ITIH1: variants seen among roughly 807,000 people sequenced by gnomAD.
ITIH1 encodes inter-alpha-trypsin inhibitor heavy chain 1.
In ITIH1, 94 loss-of-function variants were observed where a neutral mutation model predicts 104.6. The ratio of observed to expected loss-of-function variants is 0.90; its 90% CI spans 0.76 to 1.07. ITIH1 has a LOEUF of 1.07. Among genes scored for constraint, ITIH1 ranks in the 50% least tolerant of loss-of-function variants. ITIH1 has a pLI of 0.00. For synonymous variants in ITIH1, 455 were observed against 464.4 expected, an observed-to-expected ratio of 0.98 and a Z score of 0.26; for missense variants, 1,193 against 1,181.4, an observed-to-expected ratio of 1.01 and a Z score of -0.14.
chr3:52,779,647 C>T lies in ITIH1; in HGVS notation c.573+53C>T. ...CCTGCCCCTCTCTCCGTCACCATGG[C>T]TCCCAACACTGGTTGAGCACCCACC... On this transcript the variant is annotated intron_variant, in intron 5 of 21. Coordinates refer to ENST00000273283, the MANE Select transcript of ITIH1 (RefSeq NM_002215.4). The surrounding 1 kb of genome is among the most constrained non-coding windows in gnomAD (Gnocchi z 4.4). 6.3e-7 allele frequency: 1 copy of T among 1,590,546 alleles called. No individual in the cohort carries two copies. Among genetic ancestry groups the T allele is most frequent in the Non-Finnish European group, 8.6e-7 (1 of 1,158,978 alleles).
intron 2 of ITIH1, 89 bp from the exon 3 acceptor site, chr3:52,778,251 G>T: frequency 7.4e-7 from 1 of 1,358,774 alleles, no homozygotes; most frequent in Non-Finnish European, 1.0e-6. Flanking sequence ...CCATGCACTG[G>T]GGCTAAGTGC....
intron 12 of ITIH1, among the ~76,000 whole-genome samples, chr3:52,785,489 G>A (rs569644186): frequency 4.1e-4 from 63 of 152,282 alleles, no homozygotes; most frequent in African/African-American, 1.4e-3. Context: ...GTTATTTTTC[G>A]CATCATTCAT....
chr3:52,781,987 C>T lies in ITIH1; in HGVS notation c.735C>T (p.Pro245=), dbSNP rs1348943037. 2 of 1,614,090 alleles carry T rather than the reference C, an allele frequency of 1.2e-6. No individual in the cohort carries two copies. Among genetic ancestry groups the T allele is most frequent in the African/African-American group, 1.3e-5 (1 of 74,922 alleles). The change falls in exon 7 of 22, where the codon CCC becomes CCT. Residue 245 remains proline (P), a synonymous_variant. Coordinates refer to ENST00000273283, the MANE Select transcript of ITIH1 (RefSeq NM_002215.4). The part of the protein sequence containing the change: ...RPTVSQQQSC[P]TCSTSLLNGH... Reference sequence around the variant, plus strand: ...CCGTGAGCCAGCAGCAGTCCTGCCCCACATGCTCTACATCCTTACTGAACG... The same window carrying T: ...CCGTGAGCCAGCAGCAGTCCTGCCCTACATGCTCTACATCCTTACTGAACG...
intron 13 of ITIH1, 76 bp from the exon 14 acceptor site, chr3:52,786,867 TGA>T: frequency 7.0e-7 from 1 of 1,435,586 alleles, no homozygotes; most frequent in South Asian, 1.3e-5. Flanking sequence ...AATGAATGAA[TGA>T]ATAAGTGAAT....
At chr3:52,786,551 T>A in intron 13 of ITIH1, 117 bp downstream of exon 13, 1 of 1,038,730 alleles carries the variant, frequency 9.6e-7, no homozygotes, top group East Asian at 2.6e-5. Flanking sequence ...TACTTTCCTC[T>A]TCTGCTTTGC....
chr3:52,780,009 G>A, intron 5 of ITIH1: 2 of 1,374,274 alleles, frequency 1.5e-6, no homozygotes, highest in Non-Finnish European at 1.9e-6. Context: ...AGTGCCTACT[G>A]AGTACCAGGC....
intron 12 of ITIH1, 24 bp downstream of exon 12, chr3:52,785,253 G>T: frequency 6.2e-7 from 1 of 1,610,382 alleles, no homozygotes; most frequent in South Asian, 1.1e-5. Flanking sequence ...CATGGAGGGT[G>T]GAGAGGCCAG....
chr3:52,781,709 G>A lies in ITIH1; in HGVS notation c.688-231G>A, dbSNP rs570801903. The stretch of plus-strand genomic sequence containing the variant: ...TATACCCAAAGTGATGATGTTCATT[G>A]TAGAAAATCCCAATGATTCAGAAGC... On this transcript the variant is annotated intron_variant, in intron 6 of 21. Transcript: ENST00000273283. 8.5e-5 allele frequency among the ~76,000 whole-genome samples: 13 copies of A among 152,250 alleles called. No individual in the cohort carries two copies. In the East Asian group the frequency reaches 2.3e-3, roughly 27 times the overall value.
Position 52,784,430 on chromosome 3 carries a change from C to G in ITIH1, c.1360C>G (p.Arg454Gly). ...LEVMSMENNG[R>G]AQRIYEDHDA... ...GGTCATGTCCATGGAGAACAACGGA[C>G]GGGCCCAGAGAATCTACGAGGACCA... is the stretch of plus-strand genomic sequence containing the variant. Residue 454 changes from arginine to glycine, a missense_variant, in exon 11 of 22, where the codon CGG becomes GGG. Physicochemically the swap from Arg to Gly is moderately radical, Grantham distance 125. Transcript: ENST00000273283. The G allele has an allele frequency of 6.2e-7, 1 of 1,614,150 alleles. No individual in the cohort carries two copies. Among genetic ancestry groups the G allele is most frequent in the Non-Finnish European group, 8.5e-7 (1 of 1,179,994 alleles).
intron 6 of ITIH1, 135 bp from the exon 7 acceptor site, chr3:52,781,805 G>A: frequency 2.8e-6 from 3 of 1,072,008 alleles, no homozygotes; most frequent in Non-Finnish European, 4.1e-6. Flanking sequence ...AGGTGAGTGA[G>A]TGGCCCACCG....
Position 52,777,634 on chromosome 3 carries a change from C to A in ITIH1, c.19C>A (p.Pro7Thr). Residue 7 changes from proline to threonine, a missense_variant, in exon 1 of 22, where the codon CCT becomes ACT. Physicochemically the swap from Pro to Thr is conservative, Grantham distance 38 (BLOSUM62 -1). Transcript: ENST00000273283. MDGAMG[P>T]RGLLLCMYLV... ...TTAGAGCATGGACGGTGCCATGGGG[C>A]CTCGGGGGCTGCTGTTGTGCATGTA... The A allele has an allele frequency of 6.3e-7, 1 of 1,591,710 alleles. No individual in the cohort carries two copies. Among genetic ancestry groups the A allele is most frequent in the Non-Finnish European group, 8.5e-7 (1 of 1,169,912 alleles).
At chr3:52,786,806 A>T (rs1699214064) in intron 13 of ITIH1, 139 bp from the exon 14 acceptor site, 1 of 995,570 alleles carries the variant, frequency 1.0e-6, no homozygotes, top group East Asian at 2.6e-5. Context: ...TAGCCACTGC[A>T]TAGGACACCA....
In ITIH1 at chr3:52,782,015, C is replaced by T. The variant is rs1362375135; in HGVS notation, c.763C>T (p.His255Tyr). 1.2e-6 allele frequency: 2 copies of T among 1,614,038 alleles called. No individual in the cohort carries two copies. The highest frequency in any genetic ancestry group is 1.7e-6 in the Non-Finnish European group (2 of 1,180,046). The change falls in exon 7 of 22, where the codon CAC becomes TAC. Residue 255 changes from histidine (H) to tyrosine (Y), a missense_variant. Transcript: ENST00000273283. ...ATGCTCTACATCCTTACTGAACGGGCACTTCAAGGTGACCTACGATGTCAG... is the reference window on the plus strand; with the variant it reads ...ATGCTCTACATCCTTACTGAACGGGTACTTCAAGGTGACCTACGATGTCAG... ...PTCSTSLLNGHFKVTYDVSRD... is the reference protein window; with the variant it reads ...PTCSTSLLNGYFKVTYDVSRD...
Position 52,785,107 on chromosome 3 carries a change from GCT to G in ITIH1, c.1472_1473del (p.Ala491GlyfsTer10). ...TGTGGATTTGCAGTACCCCCAGGAT[GCT>G]GTCTTGGCCCTGACCCAGAACCACC... ...VDVDLQYPQDAVLALTQNHHK... is the reference protein window; with the variant it reads ...VDVDLQYPQDXVLALTQNHHK... On this transcript the variant is annotated frameshift_variant, in exon 12 of 22. Transcript: ENST00000273283. LOFTEE classifies it high-confidence loss of function. The G allele has an allele frequency of 6.2e-7, 1 of 1,614,120 alleles. No homozygotes were observed. The highest frequency in any genetic ancestry group is 1.1e-5 in the South Asian group (1 of 91,076).
In ITIH1 at chr3:52,784,152, G is replaced by C. The variant is rs1699137248; in HGVS notation, c.1226-144G>C. On this transcript the variant is annotated intron_variant, in intron 10 of 21. Coordinates refer to ENST00000273283, the MANE Select transcript of ITIH1 (RefSeq NM_002215.4). Reference sequence around the variant, plus strand: ...TGCAGTCTCCCAGGAGAGCCAGGAGGACGCGATGCCTCAGGATGCCCAGGA... The same window carrying C: ...TGCAGTCTCCCAGGAGAGCCAGGAGCACGCGATGCCTCAGGATGCCCAGGA... 4.4e-6 allele frequency: 3 copies of C among 679,834 alleles called. No individual in the cohort carries two copies. The African/African-American group carries it at 5.5e-5, about 12-fold the overall frequency. The allele number at this position is 679,834 out of a possible 1,614,324, so 42.1% of individuals were successfully genotyped here. A position where few individuals can be genotyped will look rare whatever the true frequency, so the allele number is the denominator to read the frequency against.
chr3:52,787,335 C>T, intron 15 of ITIH1, 133 bp downstream of exon 15: 1 of 1,307,796 alleles, frequency 7.6e-7, no homozygotes, highest in Non-Finnish European at 1.1e-6. Flanking sequence ...CTTCCGTCCC[C>T]TGAGCCGCCC....
At chr3:52,790,625 C>G in intron 19 of ITIH1, 124 bp from the exon 20 acceptor site, 1 of 942,084 alleles carries the variant, frequency 1.1e-6, no homozygotes, top group Non-Finnish European at 1.6e-6. Context: ...AGCCGGCCAT[C>G]TGGGGATGAA....
chr3:52,779,674 T>C lies in ITIH1; in HGVS notation c.573+80T>C, dbSNP rs747176130. Reference sequence around the variant, plus strand: ...CCCAACACTGGTTGAGCACCCACCATGTGTCACCACCCAGGCCTGAGAACA... The same window carrying C: ...CCCAACACTGGTTGAGCACCCACCACGTGTCACCACCCAGGCCTGAGAACA... On this transcript the variant is annotated intron_variant, in intron 5 of 21. Coordinates refer to ENST00000273283, the MANE Select transcript of ITIH1 (RefSeq NM_002215.4). The surrounding 1 kb of genome is among the most constrained non-coding windows in gnomAD (Gnocchi z 4.4). 1.3e-6 allele frequency: 2 copies of C among 1,509,844 alleles called. No individual in the cohort carries two copies. Among genetic ancestry groups the C allele is most frequent in the African/African-American group, 1.4e-5 (1 of 72,770 alleles). The allele number at this position is 1,509,844 out of a possible 1,614,324, so 93.5% of individuals were successfully genotyped here. A position where few individuals can be genotyped will look rare whatever the true frequency, so the allele number is the denominator to read the frequency against.
In ITIH1 at chr3:52,786,366, C is replaced by G; in HGVS notation, c.1665C>G (p.Gly555=). Residue 555 remains glycine (G), a synonymous_variant, in exon 13 of 22, where the codon GGC becomes GGG. Transcript: ENST00000273283. ...EEMKKLLRER[G]HMLENHVERL... ...TGAAGAAACTGCTCCGAGAGCGTGG[C>G]CACATGCTGGAGAACCACGTCGAGC... The G allele has an allele frequency of 6.3e-7, 1 of 1,582,686 alleles. No individual in the cohort carries two copies. The highest frequency in any genetic ancestry group is 8.6e-7 in the Non-Finnish European group (1 of 1,163,852).
Sources: allele counts gnomAD v4.1 joint callset (sites outside exome capture counted in the v4.1 genomes callset), GRCh38; gene constraint gnomAD v4.1.1; non-coding constraint Gnocchi (gnomAD v3.1); transcripts MANE v1.5; gene names NCBI Gene and HGNC (gene_info 2026-07-23, HGNC 2026-07-21).